KITLG: variants seen among roughly 807,000 people sequenced by gnomAD.
The protein encoded by KITLG is KIT ligand.
In KITLG, 13 loss-of-function variants were observed where a neutral mutation model predicts 34.1. That is an observed-to-expected ratio of 0.38 (90% CI 0.25 to 0.61). The LOEUF (loss-of-function observed/expected upper bound fraction) is 0.61, where lower values mean the gene tolerates loss of function less well. Ranked by LOEUF, KITLG falls within the 20% of genes least tolerant of loss-of-function variation. The probability of loss-of-function intolerance (pLI) is 0.60; values close to 1 mark genes in which losing one functional copy is unlikely to be tolerated. For synonymous variants in KITLG, 110 were observed against 104.0 expected (o/e 1.06, Z -0.35); for missense variants, 292 against 318.9 (o/e 0.92, Z 0.64).
rs146613502 is a variant in KITLG, at chr12:88,524,426, G to A, written c.193-5559C>T. Among the ~76,000 whole-genome samples, 433 of 152,188 alleles carry A rather than the reference G, an allele frequency of 2.8e-3. 1 individual carries two copies. Among genetic ancestry groups the A allele is most frequent in the African/African-American group, 0.01 (422 of 41,528 alleles). ...CTAATGAAAATTTAGTGTATGAACT[G>A]TAATATGTTGCAGATGTAAAACACA... is the stretch of plus-strand genomic sequence containing the variant. On this transcript the variant is annotated intron_variant, in intron 3 of 9. Coordinates refer to ENST00000644744, the MANE Select transcript of KITLG (RefSeq NM_000899.5).
At chr12:88,503,653 G>C (rs930144032) in intron 9 of KITLG, among the ~76,000 whole-genome samples, 2 of 152,180 alleles carry the variant, frequency 1.3e-5, no homozygotes, top group African/African-American at 4.8e-5. Flanking sequence ...CAAGGGAGCA[G>C]AGAAAGCAGA....
At chr12:88,521,340 G>T (rs1205040483) in intron 3 of KITLG, among the ~76,000 whole-genome samples, 1 of 152,100 alleles carries the variant, frequency 6.6e-6, no homozygotes, top group Non-Finnish European at 1.5e-5. Context: ...TCAATGATTT[G>T]CAAGGAGAAT....
intron 3 of KITLG, among the ~76,000 whole-genome samples, chr12:88,521,074 T>C (rs553086114): frequency 2.0e-5 from 3 of 152,324 alleles, no homozygotes; most frequent in Non-Finnish European, 4.4e-5. Flanking sequence ...GTAATCATGT[T>C]TCACTCATTT....
At chr12:88,558,756 G>A (rs1008095677) in intron 1 of KITLG, among the ~76,000 whole-genome samples, 10 of 152,114 alleles carry the variant, frequency 6.6e-5, no homozygotes, top group African/African-American at 2.4e-4. Flanking sequence ...CTTTTAGTAA[G>A]CCCTCTATGT....
chr12:88,568,686 T>C (rs971002740), intron 1 of KITLG, among the ~76,000 whole-genome samples: 1 of 152,182 alleles, frequency 6.6e-6, no homozygotes, highest in Non-Finnish European at 1.5e-5. Context: ...ATAATTTACT[T>C]CTTAAAATTA....
intron 1 of KITLG, among the ~76,000 whole-genome samples, chr12:88,556,739 T>C (rs1005468788): frequency 3.9e-5 from 6 of 152,094 alleles, no homozygotes; most frequent in Non-Finnish European, 8.8e-5. Flanking sequence ...CATAGATAGA[T>C]ACCATTCTAT....
chr12:88,579,498 T>G (rs770523521), intron 1 of KITLG, among the ~76,000 whole-genome samples: 1 of 152,154 alleles, frequency 6.6e-6, no homozygotes, highest in African/African-American at 2.4e-5. Flanking sequence ...CAGGCAGCGC[T>G]TTACCCACAG....
chr12:88,539,973 C>T (rs897675034), intron 2 of KITLG, among the ~76,000 whole-genome samples: 1 of 151,954 alleles, frequency 6.6e-6, no homozygotes, highest in Non-Finnish European at 1.5e-5. Flanking sequence ...CATCGTTCCT[C>T]AGTAAAGAAT....
intron 3 of KITLG, among the ~76,000 whole-genome samples, chr12:88,519,903 C>T (rs991995058): frequency 2.0e-5 from 3 of 152,278 alleles, no homozygotes; most frequent in Non-Finnish European, 2.9e-5. Context: ...GGATTAGAGG[C>T]GTGAGTCACT....
rs1181112224 is a variant in KITLG at position 88,506,451 on chromosome 12, C to A, written c.715-73G>T. Reference sequence around the variant, plus strand: ...CTAATATTTAAGAGGTAAGTGGACTCCACTTTTATCTTTTATGGCAATAAC... The same window carrying A: ...CTAATATTTAAGAGGTAAGTGGACTACACTTTTATCTTTTATGGCAATAAC... On this transcript the variant is annotated intron_variant, in intron 7 of 9. Coordinates refer to ENST00000644744, the MANE Select transcript of KITLG (RefSeq NM_000899.5). The A allele has an allele frequency of 1.1e-5, 11 of 1,028,068 alleles. No individual in the cohort carries two copies. In the East Asian group the frequency reaches 2.6e-4, roughly 24 times the overall value. The allele number at this position is 1,028,068 out of a possible 1,614,324, so 63.7% of individuals were successfully genotyped here.
intron 1 of KITLG, among the ~76,000 whole-genome samples, chr12:88,575,334 C>T (rs1871792250): frequency 6.6e-6 from 1 of 152,098 alleles, no homozygotes; most frequent in African/African-American, 2.4e-5. Flanking sequence ...AAGACAGGTA[C>T]ATAAAGAACA....
At chr12:88,505,041 GCA>G (rs1298782465) in intron 9 of KITLG, 116 bp downstream of exon 9, 9 of 580,248 alleles carry the variant, frequency 1.6e-5, no homozygotes, top group Non-Finnish European at 2.8e-5. Flanking sequence ...AATGGGTGCA[GCA>G]CACCAACATG....
At chr12:88,524,581 C>T (rs994991788) in intron 3 of KITLG, among the ~76,000 whole-genome samples, 7 of 151,698 alleles carry the variant, frequency 4.6e-5, no homozygotes, top group African/African-American at 1.7e-4. Context: ...ATTTCAGCTG[C>T]TCGTTTTTAT....
At chr12:88,497,931 C>T (rs115138489) in intron 9 of KITLG, among the ~76,000 whole-genome samples, 381 of 152,274 alleles carry the variant, frequency 2.5e-3, no homozygotes, top group African/African-American at 8.7e-3. Context: ...ATCTTGGCAC[C>T]GCATCCCAAC....
intron 3 of KITLG, among the ~76,000 whole-genome samples, chr12:88,524,494 A>G (rs1250785559): frequency 6.6e-6 from 1 of 152,214 alleles, no homozygotes; most frequent in Non-Finnish European, 1.5e-5. Flanking sequence ...ACATTCCATT[A>G]ATAATTTTTA....
At chr12:88,575,181 C>T (rs904838682) in intron 1 of KITLG, among the ~76,000 whole-genome samples, 3 of 152,184 alleles carry the variant, frequency 2.0e-5, no homozygotes, top group Non-Finnish European at 4.4e-5. Flanking sequence ...ACTCATTTTA[C>T]AGTTGAGCAA....
At chr12:88,517,847 G>A (rs1395318979) in intron 4 of KITLG, among the ~76,000 whole-genome samples, 2 of 152,046 alleles carry the variant, frequency 1.3e-5, no homozygotes, top group African/African-American at 4.8e-5. Flanking sequence ...ATGGGACACA[G>A]GAAAAAGCAT....
chr12:88,565,177 C>T (rs560590831), intron 1 of KITLG, among the ~76,000 whole-genome samples: 1 of 152,348 alleles, frequency 6.6e-6, no homozygotes, highest in Admixed American at 6.5e-5. Flanking sequence ...GTATCCAAAA[C>T]TACACAACAT....
At chr12:88,511,055 A>C (rs1448631512) in intron 6 of KITLG, among the ~76,000 whole-genome samples, 1 of 152,172 alleles carries the variant, frequency 6.6e-6, no homozygotes, top group Non-Finnish European at 1.5e-5. Context: ...TGACAATGCA[A>C]GACTCAAAAT....
Sources: gnomAD v4.1 joint callset for allele counts (sites outside exome capture counted in the v4.1 genomes callset) on GRCh38, gnomAD v4.1.1 for gene constraint, MANE v1.5 for transcripts, NCBI Gene and HGNC (gene_info 2026-07-23, HGNC 2026-07-21) for gene names.